The following AFG2A variants were observed in gnomAD, a reference collection of about 807,000 sequenced individuals.
AFG2A encodes ATPase family gene 2 protein homolog A.
At chr4:123,237,563 C>T in the AFG2A span, among the ~76,000 whole-genome samples, 1 of 148,392 alleles carries the variant, frequency 6.7e-6, no homozygotes, top group Non-Finnish European at 1.5e-5. Context: ...ATCACAACTA[C>T]TTGGGAGGTT....
the AFG2A span, chr4:123,314,032 T>A: frequency 5.6e-6 from 9 of 1,609,904 alleles, no homozygotes; most frequent in South Asian, 1.0e-4. Flanking sequence ...TTATGAAGAT[T>A]ATCAAGAGAA....
At chr4:122,928,889 T>C in the AFG2A span, 70 of 914,980 alleles carry the variant, frequency 7.7e-5, no homozygotes, top group Non-Finnish European at 1.0e-4. Context: ...ATTTATCTTA[T>C]TGCAATTGGT....
At chr4:123,178,179 A>G in the AFG2A span, among the ~76,000 whole-genome samples, 4 of 152,312 alleles carry the variant, frequency 2.6e-5, no homozygotes, top group East Asian at 7.7e-4. Flanking sequence ...CTCTAGTGGT[A>G]AAGTCTGGGC....
At chr4:123,030,990 T>A in the AFG2A span, among the ~76,000 whole-genome samples, 1 of 152,326 alleles carries the variant, frequency 6.6e-6, no homozygotes, top group Non-Finnish European at 1.5e-5. Context: ...AAAATTTTTT[T>A]AAATACAAAG....
chr4:122,950,849 G>A, the AFG2A span, among the ~76,000 whole-genome samples: 1 of 152,166 alleles, frequency 6.6e-6, no homozygotes, highest in African/African-American at 2.4e-5. Context: ...GATCTTTCTG[G>A]TATCAGGTGG....
At chr4:123,210,922 A>G in the AFG2A span, among the ~76,000 whole-genome samples, 147 of 152,116 alleles carry the variant, frequency 9.7e-4, 1 homozygote, top group Non-Finnish European at 1.7e-3. Context: ...CTGTCAAATC[A>G]TGGTAGACAT....
At chr4:123,085,395 C>T in the AFG2A span, among the ~76,000 whole-genome samples, 101 of 152,236 alleles carry the variant, frequency 6.6e-4, no homozygotes, top group African/African-American at 2.4e-3. Context: ...TAGATGCATA[C>T]ACGTTAAGGA....
At chr4:123,212,232 C>A in the AFG2A span, among the ~76,000 whole-genome samples, 2 of 151,878 alleles carry the variant, frequency 1.3e-5, no homozygotes. Context: ...ATAGTTTTTC[C>A]TTTTTCTTGT....
the AFG2A span, among the ~76,000 whole-genome samples, chr4:123,007,638 A>AC: frequency 8.2e-5 from 2 of 24,426 alleles, no homozygotes; most frequent in Non-Finnish European, 1.1e-4. Context: ...ATACACACAC[A>AC]CACAACACAC....
chr4:123,069,401 T>C, the AFG2A span, among the ~76,000 whole-genome samples: 1 of 152,152 alleles, frequency 6.6e-6, no homozygotes, highest in Admixed American at 6.5e-5. Flanking sequence ...AGCATATAAA[T>C]GATGATCCTG....
At chr4:122,954,530 A>G in the AFG2A span, among the ~76,000 whole-genome samples, 2 of 152,202 alleles carry the variant, frequency 1.3e-5, no homozygotes, top group Non-Finnish European at 2.9e-5. Context: ...CCCTGGACTT[A>G]GGAAGATTTA....
chr4:123,211,117 C>A, the AFG2A span, among the ~76,000 whole-genome samples: 1 of 152,110 alleles, frequency 6.6e-6, no homozygotes, highest in Non-Finnish European at 1.5e-5. Flanking sequence ...TAGAATTGTA[C>A]TCAGAAGATA....
the AFG2A span, among the ~76,000 whole-genome samples, chr4:123,177,835 TA>T: frequency 6.6e-6 from 1 of 152,294 alleles, no homozygotes; most frequent in Non-Finnish European, 1.5e-5. Flanking sequence ...CATGGCCGCA[TA>T]GGGGACTATG....
At chr4:123,123,510 G>A in the AFG2A span, among the ~76,000 whole-genome samples, 1 of 152,078 alleles carries the variant, frequency 6.6e-6, no homozygotes, top group African/African-American at 2.4e-5. Context: ...CATTCAGAAT[G>A]TGTAGTCATG....
the AFG2A span, among the ~76,000 whole-genome samples, chr4:123,234,574 A>G: frequency 6.6e-6 from 1 of 152,130 alleles, no homozygotes; most frequent in Non-Finnish European, 1.5e-5. Context: ...CAGTAAATAC[A>G]GGAGTTTAGA....
the AFG2A span, among the ~76,000 whole-genome samples, chr4:123,199,401 A>G: frequency 6.6e-6 from 1 of 151,614 alleles, no homozygotes; most frequent in South Asian, 2.1e-4. Context: ...GATTTATGAA[A>G]GGAACATAGC....
the AFG2A span, among the ~76,000 whole-genome samples, chr4:123,040,065 G>A: frequency 6.6e-6 from 1 of 151,000 alleles, no homozygotes; most frequent in Non-Finnish European, 1.5e-5. Flanking sequence ...ACAGTGCTCA[G>A]TAATATTCTT....
chr4:122,949,699 G>A, the AFG2A span, among the ~76,000 whole-genome samples: 19 of 152,192 alleles, frequency 1.2e-4, no homozygotes, highest in Non-Finnish European at 2.6e-4. Flanking sequence ...GCAGCCTGAT[G>A]CCTGGTTTAC....
At chr4:123,284,345 G>A in the AFG2A span, among the ~76,000 whole-genome samples, 1 of 152,322 alleles carries the variant, frequency 6.6e-6, no homozygotes, top group South Asian at 2.1e-4. Context: ...TACCACAGCA[G>A]ACACTTCCTC....
Sources: gnomAD v4.1 joint callset for allele counts (sites outside exome capture counted in the v4.1 genomes callset) on GRCh38, gnomAD v4.1.1 for gene constraint, MANE v1.5 for transcripts, NCBI Gene and HGNC (gene_info 2026-07-23, HGNC 2026-07-21) for gene names.